ZNF480: variants seen among roughly 807,000 people sequenced by gnomAD.
ZNF480 encodes zinc finger protein 480.
In ZNF480, 15 loss-of-function variants were observed where a neutral mutation model predicts 14.4. The ratio of observed to expected loss-of-function variants is 1.04; its 90% confidence interval spans 0.70 to 1.60. The LOEUF (loss-of-function observed/expected upper bound fraction) is 1.60, where lower values mean the gene tolerates loss of function less well. Ranked by LOEUF, ZNF480 falls within the 40% of genes most tolerant of loss-of-function variation. The pLI is 0.00. For missense variants in ZNF480, 593 were observed against 629.7 expected (o/e 0.94, Z 0.62); for synonymous variants, 218 against 215.5 (o/e 1.01, Z -0.10).
At chr19:52,307,642 C>G (rs986773459) in intron 2 of ZNF480, 5 of 150,262 alleles carry the variant, frequency 3.3e-5, no homozygotes, top group Non-Finnish European at 7.4e-5. Flanking sequence ...GAGTTTGACC[C>G]ACATTTTATT....
intron 1 of ZNF480, among the ~76,000 whole-genome samples, chr19:52,297,545 T>A (rs1424884656): frequency 6.6e-6 from 1 of 152,164 alleles, no homozygotes; most frequent in African/African-American, 2.4e-5. Flanking sequence ...GATTCCGGTC[T>A]ATGCGGTCCC....
intron 2 of ZNF480, chr19:52,301,572 A>G (rs1287637609): frequency 6.6e-6 from 1 of 152,194 alleles, no homozygotes; most frequent in Non-Finnish European, 1.5e-5. Flanking sequence ...ATCGGAGATC[A>G]TTGATTTGAT....
At chr19:52,318,321 T>C (rs1283007090) in intron 4 of ZNF480, among the ~76,000 whole-genome samples, 1 of 152,160 alleles carries the variant, frequency 6.6e-6, no homozygotes, top group Admixed American at 6.6e-5. Flanking sequence ...TTGGCCAGGC[T>C]GGTCTTGAAC....
intron 2 of ZNF480, among the ~76,000 whole-genome samples, chr19:52,310,990 G>A (rs1248821584): frequency 7.5e-6 from 1 of 132,786 alleles, no homozygotes; most frequent in Non-Finnish European, 1.5e-5. Flanking sequence ...GGGTGACAGA[G>A]CGAGATTCCG....
intron 4 of ZNF480, among the ~76,000 whole-genome samples, chr19:52,319,820 T>TG (rs1441938813): frequency 1.4e-3 from 143 of 104,136 alleles, no homozygotes; most frequent in South Asian, 4.3e-3. Context: ...TGTTTTTTTT[T>TG]TTTTTTTTTT....
intron 2 of ZNF480, among the ~76,000 whole-genome samples, chr19:52,312,853 C>T (rs1015958823): frequency 6.6e-6 from 1 of 151,780 alleles, no homozygotes; most frequent in Non-Finnish European, 1.5e-5. Flanking sequence ...CAGAGTCTCA[C>T]TCTGTAGCCC....
chr19:52,312,218 C>T (rs1983319809), intron 2 of ZNF480, among the ~76,000 whole-genome samples: 1 of 151,032 alleles, frequency 6.6e-6, no homozygotes, highest in Non-Finnish European at 1.5e-5. Flanking sequence ...GATATTGGCT[C>T]ACTGCAATCT....
rs113675780 is a variant in ZNF480 at position 52,322,730 on chromosome 19, C to T, written c.1480C>T (p.Arg494Ter). 1.2e-5 allele frequency: 20 copies of T among 1,611,420 alleles called. No individual in the cohort carries two copies. Among genetic ancestry groups the T allele is most frequent in the South Asian group, 4.4e-5 (4 of 90,664 alleles). Residue 494 changes from arginine (R) to a stop codon, truncating the protein, a stop_gained, in exon 5 of 5, where the codon CGA becomes TGA. Coordinates refer to ENST00000595962, the MANE Select transcript of ZNF480 (RefSeq NM_144684.4). LOFTEE classifies it low-confidence loss of function (END_TRUNC). ...TAATGAATGTGGCAAGGTCTTCAAT[C>T]GAATTGCACACCTTGCACGACATCG... The part of the protein sequence containing the change: ...KCNECGKVFN[R>*]IAHLARHRKI...
At chr19:52,301,547 G>A (rs544737550) in intron 2 of ZNF480, 1 of 152,158 alleles carries the variant, frequency 6.6e-6, no homozygotes, top group Admixed American at 6.5e-5. Context: ...TGATCTCCTA[G>A]CCGCATTACA....
chr19:52,312,376 G>T (rs1276277292), intron 2 of ZNF480, among the ~76,000 whole-genome samples: 1 of 151,854 alleles, frequency 6.6e-6, no homozygotes, highest in African/African-American at 2.4e-5. Flanking sequence ...TGGTCAGGCT[G>T]GTCTTGATCC....
chr19:52,298,590 C>A (rs1354349407), intron 1 of ZNF480, among the ~76,000 whole-genome samples: 1 of 150,898 alleles, frequency 6.6e-6, no homozygotes, highest in East Asian at 1.9e-4. Flanking sequence ...GAGATTGCGC[C>A]ATTGCACTCC....
intron 3 of ZNF480, among the ~76,000 whole-genome samples, chr19:52,314,692 T>C (rs1432026960): frequency 6.6e-6 from 1 of 151,336 alleles, no homozygotes; most frequent in Non-Finnish European, 1.5e-5. Flanking sequence ...TAATCCCAGC[T>C]ACTTGGAAGG....
At chr19:52,307,279 C>T (rs1281624260) in intron 2 of ZNF480, 1 of 152,256 alleles carries the variant, frequency 6.6e-6, no homozygotes, top group Non-Finnish European at 1.5e-5. Flanking sequence ...TAGTGCTAAC[C>T]TTTACTTTTC....
At chr19:52,305,884 G>A (rs1197390308) in intron 2 of ZNF480, among the ~76,000 whole-genome samples, 1 of 152,156 alleles carries the variant, frequency 6.6e-6, no homozygotes, top group Non-Finnish European at 1.5e-5. Context: ...GATTAGCCCA[G>A]TGTTTTCGTT....
chr19:52,315,827 C>G lies in ZNF480; in HGVS notation c.200-7C>G, dbSNP rs62110453. On this transcript the variant is annotated splice_region_variant and splice_polypyrimidine_tract_variant and intron_variant, in intron 3 of 4. Transcript: ENST00000595962. ...CAGCACATTTTGATTTTTTTTTTTA[C>G]AAACAGGAATCTCTCTTCCTGACCT... 2 of 1,595,282 alleles carry G rather than the reference C, an allele frequency of 1.3e-6. No individual in the cohort carries two copies. Among genetic ancestry groups the G allele is most frequent in the African/African-American group, 2.7e-5 (2 of 73,758 alleles).
chr19:52,323,491 A>G lies in ZNF480; in HGVS notation c.*633A>G, dbSNP rs1983946235. 1 of 152,060 alleles carries G rather than the reference A, an allele frequency of 6.6e-6. No individual in the cohort carries two copies. The highest frequency in any genetic ancestry group is 2.4e-5 in the African/African-American group (1 of 41,410). The allele number at this position is 152,060 out of a possible 1,614,324, so 9.4% of individuals were successfully genotyped here. A position where few individuals can be genotyped will look rare whatever the true frequency, so the allele number is the denominator to read the frequency against. ...TCTAATACCAAAACCTGACAGGCAC[A>G]ATGAAAAAAGAAAACTTCAGGCTGG... On this transcript the variant is annotated 3_prime_UTR_variant, in exon 5 of 5. Coordinates refer to ENST00000595962, the MANE Select transcript of ZNF480 (RefSeq NM_144684.4).
intron 2 of ZNF480, among the ~76,000 whole-genome samples, chr19:52,306,710 A>T (rs915292689): frequency 1.3e-5 from 2 of 152,214 alleles, no homozygotes; most frequent in Admixed American, 1.3e-4. Flanking sequence ...GAAAAGGCTC[A>T]AATGTAGCCA....
At chr19:52,315,336 G>C (rs565942658) in intron 3 of ZNF480, among the ~76,000 whole-genome samples, 24 of 142,500 alleles carry the variant, frequency 1.7e-4, no homozygotes, top group African/African-American at 6.3e-4. Flanking sequence ...TTTTTTTTTT[G>C]AGACAGAGTG....
In ZNF480 at chr19:52,322,888, A is replaced by C; in HGVS notation, c.*30A>C. The C allele has an allele frequency of 1.3e-6, 2 of 1,530,290 alleles. No homozygotes were observed. Among genetic ancestry groups the C allele is most frequent in the Non-Finnish European group, 1.8e-6 (2 of 1,137,094 alleles). 94.8% of individuals were successfully genotyped at this position (1,530,290 alleles called of 1,614,324 possible). On this transcript the variant is annotated 3_prime_UTR_variant, in exon 5 of 5. Transcript: ENST00000595962. ...TACAAATGCAACAAATGCGTCAAAG[A>C]ATTTAGTGTGCACTCAAGCCTTACT... is the stretch of plus-strand genomic sequence containing the variant.
Sources: gnomAD v4.1 joint callset for allele counts (sites outside exome capture counted in the v4.1 genomes callset) on GRCh38, gnomAD v4.1.1 for gene constraint, MANE v1.5 for transcripts, NCBI Gene and HGNC (gene_info 2026-07-23, HGNC 2026-07-21) for gene names.